The following FAM163A variants were observed in gnomAD, a reference collection of about 807,000 sequenced individuals.
The protein encoded by FAM163A is protein FAM163A.
A neutral mutation model predicts 12.0 loss-of-function variants in FAM163A; 7 were observed. That is an observed-to-expected ratio of 0.58 (90% CI 0.33 to 1.10). The LOEUF (loss-of-function observed/expected upper bound fraction) is 1.10. FAM163A is among the 50% of genes least tolerant of loss of function. FAM163A has a pLI of 0.03. For missense variants in FAM163A, 202 were observed against 218.6 expected (o/e 0.92, Z 0.48); for synonymous variants, 101 against 91.0 (o/e 1.11, Z -0.62).
At chr1:179,758,833 G>A (rs867479652) in intron 1 of FAM163A, among the ~76,000 whole-genome samples, 2 of 152,290 alleles carry the variant, frequency 1.3e-5, no homozygotes, top group African/African-American at 2.4e-5. Context: ...CTTCCCCACA[G>A]TCTAGCAACC....
chr1:179,751,249 C>A (rs1012385988), intron 1 of FAM163A, among the ~76,000 whole-genome samples: 3 of 151,522 alleles, frequency 2.0e-5, no homozygotes, highest in African/African-American at 7.3e-5. Flanking sequence ...GGGTGGGCTT[C>A]GAAGAGAAGG....
Position 179,812,972 on chromosome 1 carries a change from C to A in FAM163A, c.-22-104C>A, listed in dbSNP as rs1332185854. Reference sequence around the variant, plus strand: ...TGGCCCTCCCGGCACCTGCTGCTCTCAGGCCCCCTGCCCCAGCCTCGGGGC... The same window carrying A: ...TGGCCCTCCCGGCACCTGCTGCTCTAAGGCCCCCTGCCCCAGCCTCGGGGC... On this transcript the variant is annotated intron_variant, in intron 3 of 4. Transcript: ENST00000341785. 4.6e-6 allele frequency: 5 copies of A among 1,085,466 alleles called. No homozygotes were observed. The African/African-American group carries it at 7.8e-5, about 17-fold the overall frequency. 67.2% of individuals were successfully genotyped at this position (1,085,466 alleles called of 1,614,324 possible).
chr1:179,782,539 A>C (rs924645475), intron 1 of FAM163A, among the ~76,000 whole-genome samples: 2 of 152,086 alleles, frequency 1.3e-5, no homozygotes, highest in Non-Finnish European at 2.9e-5. Context: ...CTTTGCTCGC[A>C]GAATCTGGAT....
intron 1 of FAM163A, among the ~76,000 whole-genome samples, chr1:179,774,929 C>A (rs945602597): frequency 6.6e-6 from 1 of 152,130 alleles, no homozygotes; most frequent in Admixed American, 6.5e-5. Flanking sequence ...GTCTTGACTG[C>A]AAATTGTCCA....
chr1:179,795,015 A>G (rs540722055), intron 1 of FAM163A, among the ~76,000 whole-genome samples: 1 of 152,340 alleles, frequency 6.6e-6, no homozygotes, highest in Admixed American at 6.5e-5. Flanking sequence ...ACCACCTGCC[A>G]GCAGCAACCC....
the FAM163A span, among the ~76,000 whole-genome samples, chr1:179,735,755 G>A: frequency 6.6e-6 from 1 of 151,964 alleles, no homozygotes; most frequent in South Asian, 2.1e-4. Context: ...AGCCCACCTC[G>A]GCCTCCCAAA....
intron 1 of FAM163A, among the ~76,000 whole-genome samples, chr1:179,785,168 AC>A (rs1004289904): frequency 6.6e-6 from 1 of 151,248 alleles, no homozygotes; most frequent in Non-Finnish European, 1.5e-5. Context: ...CACAACTCCC[AC>A]CCCCCATTCC....
At chr1:179,805,192 G>A (rs140181777) in intron 1 of FAM163A, among the ~76,000 whole-genome samples, 1 of 152,080 alleles carries the variant, frequency 6.6e-6, no homozygotes, top group Non-Finnish European at 1.5e-5. Context: ...TATAGTTACT[G>A]TAAGTTATAG....
chr1:179,735,795 C>A, the FAM163A span, among the ~76,000 whole-genome samples: 1 of 151,942 alleles, frequency 6.6e-6, no homozygotes, highest in South Asian at 2.1e-4. Flanking sequence ...GAGCCACCGC[C>A]CCCAGCCGAA....
chr1:179,749,731 T>G (rs1685003505), intron 1 of FAM163A, among the ~76,000 whole-genome samples: 1 of 152,072 alleles, frequency 6.6e-6, no homozygotes, highest in African/African-American at 2.4e-5. Flanking sequence ...TGGTGGCATG[T>G]GCCTGTAATC....
chr1:179,811,043 C>CA (rs1466706719), intron 2 of FAM163A, among the ~76,000 whole-genome samples: 7 of 151,472 alleles, frequency 4.6e-5, no homozygotes, highest in South Asian at 4.2e-4. Flanking sequence ...ACTCTGTCTC[C>CA]AAAAAAAAGA....
At chr1:179,772,906 A>G (rs1433000583) in intron 1 of FAM163A, among the ~76,000 whole-genome samples, 1 of 151,224 alleles carries the variant, frequency 6.6e-6, no homozygotes, top group Non-Finnish European at 1.5e-5. Flanking sequence ...CAGGAGAAAA[A>G]GCACAAGAGC....
intron 1 of FAM163A, among the ~76,000 whole-genome samples, chr1:179,804,860 C>G (rs1439480867): frequency 3.3e-5 from 5 of 152,110 alleles, no homozygotes; most frequent in Non-Finnish European, 7.4e-5. Flanking sequence ...GGGCACTAGG[C>G]TTAATACCTG....
rs774047479 is a variant in FAM163A, at chr1:179,813,813, C to A, written c.128C>A (p.Ala43Glu). 1.2e-6 allele frequency: 2 copies of A among 1,614,010 alleles called. No homozygotes were observed. The highest frequency in any genetic ancestry group is 1.7e-6 in the Non-Finnish European group (2 of 1,180,034). ...YCCKKSGTEV[A>E]DEEEEREHDL... ...TGCAAGAAGAGCGGAACCGAGGTTG[C>A]AGACGAGGAGGAGGAGCGGGAGCAC... The change falls in exon 5 of 5, where the codon GCA becomes GAA. Residue 43 changes from alanine (A) to glutamate (E), a missense_variant. Ala to Glu is a moderately radical substitution (Grantham distance 107). Coordinates refer to ENST00000341785, the MANE Select transcript of FAM163A (RefSeq NM_173509.3).
chr1:179,762,387 G>A (rs147772534), intron 1 of FAM163A, among the ~76,000 whole-genome samples: 131 of 152,244 alleles, frequency 8.6e-4, no homozygotes, highest in African/African-American at 3.0e-3. Context: ...GTCCTGTCAC[G>A]GTTTGGGAGA....
intron 1 of FAM163A, among the ~76,000 whole-genome samples, chr1:179,806,178 T>G (rs1473640837): frequency 6.6e-6 from 1 of 152,224 alleles, no homozygotes; most frequent in African/African-American, 2.4e-5. Context: ...TGCTTTTACA[T>G]TCCCATTGTA....
chr1:179,789,728 G>A (rs1691173518), intron 1 of FAM163A, among the ~76,000 whole-genome samples: 2 of 152,220 alleles, frequency 1.3e-5, no homozygotes, highest in African/African-American at 2.4e-5. Flanking sequence ...TTAACTAATC[G>A]AGTAATATTA....
At chr1:179,752,146 A>G (rs1385491562) in intron 1 of FAM163A, among the ~76,000 whole-genome samples, 2 of 152,220 alleles carry the variant, frequency 1.3e-5, no homozygotes, top group African/African-American at 2.4e-5. Context: ...AAATCCACAC[A>G]TGATACGGTC....
At chr1:179,750,724 A>AT (rs1199552317) in intron 1 of FAM163A, among the ~76,000 whole-genome samples, 1 of 152,204 alleles carries the variant, frequency 6.6e-6, no homozygotes, top group Non-Finnish European at 1.5e-5. Context: ...AGGATGACAG[A>AT]TTTTCTATTT....
Sources: allele counts gnomAD v4.1 joint callset (sites outside exome capture counted in the v4.1 genomes callset), GRCh38; gene constraint gnomAD v4.1.1; transcripts MANE v1.5; gene names NCBI Gene and HGNC (gene_info 2026-07-23, HGNC 2026-07-21).